Variants in ZNF354A observed in about 807,000 individuals in gnomAD.
ZNF354A encodes epididymis luminal protein 104.
In ZNF354A, 25 loss-of-function variants were observed where a neutral mutation model predicts 53.3. That is an observed-to-expected ratio of 0.47 (90% CI 0.34 to 0.66). The LOEUF (loss-of-function observed/expected upper bound fraction) is 0.66, where lower values mean the gene tolerates loss of function less well. Ranked by LOEUF, ZNF354A falls within the 30% of genes least tolerant of loss-of-function variation. The pLI, the probability that ZNF354A is intolerant of heterozygous loss-of-function variation, is 0.01. For synonymous variants in ZNF354A, 228 were observed against 249.0 expected (o/e 0.92, Z 0.79); for missense variants, 586 against 716.8 (o/e 0.82, Z 2.08).
chr5:178,722,675 G>A (rs753152391), intron 4 of ZNF354A, among the ~76,000 whole-genome samples: 34 of 152,188 alleles, frequency 2.2e-4, no homozygotes, highest in Non-Finnish European at 4.8e-4. Flanking sequence ...ACAACTGGAC[G>A]CATACCCTGG....
rs759537277 is a variant in ZNF354A at position 178,718,421 on chromosome 5, C to CT, written c.257-4801dup. 1.5e-4 allele frequency among the ~76,000 whole-genome samples: 23 copies of CT among 152,352 alleles called. No individual in the cohort carries two copies. The East Asian group carries it at 3.5e-3, about 23-fold the overall frequency. On this transcript the variant is annotated intron_variant, in intron 4 of 4. Coordinates refer to ENST00000335815, the MANE Select transcript of ZNF354A (RefSeq NM_005649.3). ...AGGTCTAGACTCTTCCACCTGGACT[C>CT]TCACTACACCCAGAGAGTGTTTCTT...
chr5:178,719,999 G>A (rs1367245294), intron 4 of ZNF354A, among the ~76,000 whole-genome samples: 2 of 152,130 alleles, frequency 1.3e-5, no homozygotes, highest in Non-Finnish European at 2.9e-5. Flanking sequence ...GTTTTCTAGA[G>A]TCAGAGAACT....
intron 4 of ZNF354A, among the ~76,000 whole-genome samples, chr5:178,719,916 C>T (rs1334242498): frequency 6.6e-6 from 1 of 150,580 alleles, no homozygotes. Context: ...CACCGCACTC[C>T]AGCCTGGGCG....
chr5:178,715,632 G>A (rs552686558), intron 4 of ZNF354A, among the ~76,000 whole-genome samples: 14 of 152,218 alleles, frequency 9.2e-5, no homozygotes, highest in Admixed American at 5.2e-4. Context: ...AATATCGGTC[G>A]TTGTTTCTAG....
chr5:178,724,998 C>G (rs1765877705), intron 4 of ZNF354A, among the ~76,000 whole-genome samples: 1 of 152,222 alleles, frequency 6.6e-6, no homozygotes, highest in African/African-American at 2.4e-5. Flanking sequence ...CAGTTTCCAC[C>G]TCTTAGAACC....
intron 4 of ZNF354A, among the ~76,000 whole-genome samples, chr5:178,721,888 G>A (rs924635735): frequency 4.6e-5 from 7 of 152,116 alleles, no homozygotes; most frequent in South Asian, 2.1e-4. Context: ...CTCTGTAAAT[G>A]GCACCACCTC....
chr5:178,723,268 G>C (rs1300349741), intron 4 of ZNF354A, among the ~76,000 whole-genome samples: 1 of 152,224 alleles, frequency 6.6e-6, no homozygotes. Flanking sequence ...TGGGCCCATG[G>C]CATAAGGGGC....
intron 4 of ZNF354A, among the ~76,000 whole-genome samples, chr5:178,720,107 G>A (rs555104111): frequency 2.6e-5 from 4 of 152,202 alleles, no homozygotes; most frequent in Non-Finnish European, 5.9e-5. Flanking sequence ...GTGGAAAAGA[G>A]AAAAGCTGTT....
intron 2 of ZNF354A, among the ~76,000 whole-genome samples, chr5:178,728,238 C>G (rs2113888368): frequency 6.6e-6 from 1 of 152,266 alleles, no homozygotes; most frequent in Admixed American, 6.5e-5. Flanking sequence ...CTTAACTACT[C>G]TGTAAAACTG....
intron 4 of ZNF354A, among the ~76,000 whole-genome samples, chr5:178,720,493 C>T (rs755884462): frequency 4.6e-5 from 7 of 152,184 alleles, no homozygotes; most frequent in African/African-American, 7.2e-5. Flanking sequence ...AGTGTGAAGA[C>T]GGAGGCACAG....
chr5:178,730,247 G>A (rs1766006975), intron 1 of ZNF354A, among the ~76,000 whole-genome samples: 3 of 152,134 alleles, frequency 2.0e-5, no homozygotes, highest in Admixed American at 2.0e-4. Context: ...GGAAACCGGG[G>A]CCCGGCTGCG....
intron 4 of ZNF354A, among the ~76,000 whole-genome samples, chr5:178,723,109 C>G (rs1389740088): frequency 6.6e-6 from 1 of 152,192 alleles, no homozygotes; most frequent in African/African-American, 2.4e-5. Context: ...AGGGCCAGAC[C>G]ACGTAGTGTA....
Position 178,713,013 on chromosome 5 carries a change from G to A in ZNF354A, c.865C>T (p.Leu289=), listed in dbSNP as rs1765650240. 6.2e-7 allele frequency: 1 copy of A among 1,614,100 alleles called. No homozygotes were observed. Among genetic ancestry groups the A allele is most frequent in the South Asian group, 1.1e-5 (1 of 91,070 alleles). Reference sequence around the variant, plus strand: ...GATTTCTCCACAGTATGGGTTCTTAGATGTTTATAAAGGGATGTACTGAGA... The same window carrying A: ...GATTTCTCCACAGTATGGGTTCTTAAATGTTTATAAAGGGATGTACTGAGA... ...FTLSTSLYKH[L]RTHTVEKSYR... Residue 289 remains leucine (L), a synonymous_variant, in exon 5 of 5, where the codon CTA becomes TTA. Transcript: ENST00000335815.
intron 4 of ZNF354A, among the ~76,000 whole-genome samples, chr5:178,718,095 T>C (rs975763343): frequency 2.6e-5 from 4 of 152,208 alleles, no homozygotes; most frequent in African/African-American, 9.6e-5. Flanking sequence ...GGAAGTCCAT[T>C]ATCAATTCTG....
In ZNF354A at chr5:178,712,231, G is replaced by A; in HGVS notation, c.1647C>T (p.Pro549=). The A allele has an allele frequency of 6.2e-7, 1 of 1,614,052 alleles. No homozygotes were observed. Among genetic ancestry groups the A allele is most frequent in the Non-Finnish European group, 8.5e-7 (1 of 1,179,974 alleles). ...QHRRIHTGEK[P]FKCNTCGKTF... ...TTTTTCCACATGTATTACATTTAAA[G>A]GGTTTTTCTCCTGTATGAATCCTTC... The change falls in exon 5 of 5, where the codon CCC becomes CCT. Residue 549 remains proline, a synonymous_variant. Transcript: ENST00000335815.
Position 178,713,039 on chromosome 5 carries a change from G to A in ZNF354A, c.839C>T (p.Thr280Ile). 6.2e-7 allele frequency: 1 copy of A among 1,614,062 alleles called. No homozygotes were observed. Among genetic ancestry groups the A allele is most frequent in the South Asian group, 1.1e-5 (1 of 91,076 alleles). The stretch of plus-strand genomic sequence containing the variant: ...ATGTTTATAAAGGGATGTACTGAGA[G>A]TAAAGGCTTTCCCACATTCTTTACA... ...YICKECGKAF[T>I]LSTSLYKHLR... is the part of the protein sequence containing the mutation. Residue 280 changes from threonine (T) to isoleucine (I), a missense_variant, in exon 5 of 5, where the codon ACT (threonine) becomes ATT (isoleucine). Physicochemically the swap from Thr to Ile is moderately conservative, Grantham distance 89. Transcript: ENST00000335815.
At chr5:178,728,303 A>G (rs11747390) in intron 2 of ZNF354A, among the ~76,000 whole-genome samples, 36,317 of 152,174 alleles carry the variant, frequency 0.24, 5,139 homozygotes, top group South Asian at 0.35. Flanking sequence ...TCTACACAAT[A>G]AAGATGGATA....
chr5:178,721,412 T>G (rs1192196099), intron 4 of ZNF354A, among the ~76,000 whole-genome samples: 1 of 152,222 alleles, frequency 6.6e-6, no homozygotes, highest in Non-Finnish European at 1.5e-5. Context: ...AATGCAGTAT[T>G]ATCATCTATG....
At chr5:178,723,399 C>T (rs573420288) in intron 4 of ZNF354A, among the ~76,000 whole-genome samples, 13 of 152,352 alleles carry the variant, frequency 8.5e-5, no homozygotes, top group South Asian at 8.3e-4. Context: ...TCCTCAGAAC[C>T]TGTGCCTGGC....
Sources: gnomAD v4.1 joint callset for allele counts (sites outside exome capture counted in the v4.1 genomes callset) on GRCh38, gnomAD v4.1.1 for gene constraint, MANE v1.5 for transcripts, NCBI Gene and HGNC (gene_info 2026-07-23, HGNC 2026-07-21) for gene names.